The following PTPRM variants were observed in gnomAD, a reference collection of about 807,000 sequenced individuals.
PTPRM encodes the protein receptor-type tyrosine-protein phosphatase mu.
In PTPRM, 47 loss-of-function variants were observed where a neutral mutation model predicts 186.7. That is an observed-to-expected ratio of 0.25 (90% confidence interval 0.20 to 0.32). The LOEUF is 0.32. Among genes scored for constraint, PTPRM ranks in the 10% least tolerant of loss-of-function variants. The pLI is 1.00. For missense variants in PTPRM, 1,494 were observed against 1,865.0 expected (o/e 0.80, Z 3.66); for synonymous variants, 668 against 674.9 (o/e 0.99, Z 0.16).
intron 11 of PTPRM, among the ~76,000 whole-genome samples, chr18:8,092,370 C>T (rs1299580533): frequency 1.3e-5 from 2 of 151,820 alleles, no homozygotes; most frequent in East Asian, 1.9e-4. Flanking sequence ...AAAGTTTTTT[C>T]ATTAATAAGA....
At chr18:8,041,351 C>A (rs1295906199) in intron 7 of PTPRM, among the ~76,000 whole-genome samples, 2 of 151,924 alleles carry the variant, frequency 1.3e-5, no homozygotes, top group African/African-American at 4.8e-5. Context: ...CTTTCAGCTC[C>A]TTGGTGGTAT....
chr18:7,875,589 G>A (rs1012996210), intron 2 of PTPRM, among the ~76,000 whole-genome samples: 1 of 152,160 alleles, frequency 6.6e-6, no homozygotes, highest in African/African-American at 2.4e-5. Flanking sequence ...TTCCCAAAGT[G>A]CTGGGATTAC....
chr18:8,277,779 A>G (rs1416340167), intron 19 of PTPRM, among the ~76,000 whole-genome samples: 2 of 152,208 alleles, frequency 1.3e-5, no homozygotes, highest in Non-Finnish European at 2.9e-5. Flanking sequence ...AAGGTATTCC[A>G]TTGGTTATCA....
intron 1 of PTPRM, among the ~76,000 whole-genome samples, chr18:7,654,937 C>CT (rs879482681): frequency 1.3e-5 from 2 of 152,116 alleles, no homozygotes; most frequent in Non-Finnish European, 2.9e-5. Context: ...TATTCAGGCT[C>CT]TTTTTTTGTT....
At chr18:8,288,226 T>C (rs1016450653) in intron 19 of PTPRM, among the ~76,000 whole-genome samples, 2 of 152,184 alleles carry the variant, frequency 1.3e-5, no homozygotes, top group Non-Finnish European at 1.5e-5. Context: ...TGATGAAATA[T>C]TCTTGTGATG....
At chr18:8,015,593 A>G (rs2084810038) in intron 7 of PTPRM, among the ~76,000 whole-genome samples, 1 of 152,206 alleles carries the variant, frequency 6.6e-6, no homozygotes, top group South Asian at 2.1e-4. Context: ...GATAGGGCTT[A>G]CTATACTTAG....
intron 14 of PTPRM, among the ~76,000 whole-genome samples, chr18:8,234,318 T>TA (rs2147184309): frequency 1.3e-5 from 2 of 152,328 alleles, no homozygotes; most frequent in South Asian, 4.1e-4. Flanking sequence ...GATTTATGCC[T>TA]AATTATTTCA....
intron 1 of PTPRM, among the ~76,000 whole-genome samples, chr18:7,678,513 G>C (rs373651877): frequency 9.9e-5 from 15 of 152,124 alleles, no homozygotes; most frequent in African/African-American, 3.6e-4. Context: ...CTGAGGGAAC[G>C]GGAGGCCGGC....
At chr18:7,714,922 G>A (rs1019472168) in intron 1 of PTPRM, among the ~76,000 whole-genome samples, 3 of 152,092 alleles carry the variant, frequency 2.0e-5, no homozygotes, top group East Asian at 1.9e-4. Flanking sequence ...ACTCACAGCC[G>A]AATTCTACGA....
intron 6 of PTPRM, among the ~76,000 whole-genome samples, chr18:7,951,653 C>G (rs1471318381): frequency 2.6e-5 from 4 of 152,096 alleles, no homozygotes; most frequent in Non-Finnish European, 5.9e-5. Context: ...CAGCTCATGA[C>G]AATTTGCATG....
intron 2 of PTPRM, among the ~76,000 whole-genome samples, chr18:7,819,714 A>G (rs1394934181): frequency 6.6e-6 from 1 of 152,176 alleles, no homozygotes; most frequent in Non-Finnish European, 1.5e-5. Context: ...CTGCCTATGG[A>G]CAGGGGCTTC....
intron 5 of PTPRM, among the ~76,000 whole-genome samples, chr18:7,937,530 G>T (rs955782434): frequency 6.6e-6 from 1 of 152,206 alleles, no homozygotes; most frequent in South Asian, 2.1e-4. Context: ...AATCCAGGCC[G>T]GTAGTGTCAG....
chr18:8,290,514 G>C (rs561674983), intron 19 of PTPRM, among the ~76,000 whole-genome samples: 1 of 152,204 alleles, frequency 6.6e-6, no homozygotes, highest in South Asian at 2.1e-4. Context: ...TGTGGAAAAT[G>C]GTGGCGGTAT....
rs568167367 is a variant in PTPRM, at chr18:7,994,651, A to C, written c.1132+39237A>C. ...ATTTTATCAGAACACAATGGAATAA[A>C]CTACAAATCAGTAGCAAGAGAAATG... is the stretch of plus-strand genomic sequence containing the variant. On this transcript the variant is annotated intron_variant, in intron 7 of 32. Transcript: ENST00000580170. 2.0e-5 allele frequency among the ~76,000 whole-genome samples: 3 copies of C among 152,320 alleles called. No individual in the cohort carries two copies. The East Asian group carries it at 5.8e-4, about 29-fold the overall frequency.
At chr18:7,641,562 TG>T (rs2038444291) in intron 1 of PTPRM, among the ~76,000 whole-genome samples, 1 of 152,222 alleles carries the variant, frequency 6.6e-6, no homozygotes, top group Admixed American at 6.5e-5. Context: ...ACTAGAGCGG[TG>T]GCATGAATCC....
intron 23 of PTPRM, among the ~76,000 whole-genome samples, chr18:8,360,067 A>G (rs80044914): frequency 0.013 from 2,035 of 152,354 alleles, 44 homozygotes; most frequent in African/African-American, 0.046. Context: ...CCAGGAGGAT[A>G]GGACCAAAGA....
intron 22 of PTPRM, among the ~76,000 whole-genome samples, chr18:8,341,119 G>A (rs1276471015): frequency 6.6e-6 from 1 of 152,114 alleles, no homozygotes; most frequent in East Asian, 1.9e-4. Flanking sequence ...AGAAATCCTT[G>A]CAGAAGATGT....
chr18:8,400,919 T>G (rs1208068442), intron 32 of PTPRM, among the ~76,000 whole-genome samples: 3 of 152,040 alleles, frequency 2.0e-5, no homozygotes, highest in Non-Finnish European at 4.4e-5. Flanking sequence ...AGGAGTTGGG[T>G]GGGAATCAGA....
rs79711162 is a variant in PTPRM at position 7,785,719 on chromosome 18, G to A, written c.196+11448G>A. On this transcript the variant is annotated intron_variant, in intron 2 of 32. Coordinates refer to ENST00000580170, the MANE Select transcript of PTPRM (RefSeq NM_001105244.2). Reference sequence around the variant, plus strand: ...ACAAAACCCAGGTTGAGCCACGTCTGCACTTTCTGAGCATATCGTGATGAT... The same window carrying A: ...ACAAAACCCAGGTTGAGCCACGTCTACACTTTCTGAGCATATCGTGATGAT... 5.3e-3 allele frequency among the ~76,000 whole-genome samples: 804 copies of A among 152,294 alleles called. 9 individuals carry two copies. The highest frequency in any genetic ancestry group is 0.018 in the African/African-American group (756 of 41,558).
Sources: gnomAD v4.1 joint callset for allele counts (sites outside exome capture counted in the v4.1 genomes callset) on GRCh38, gnomAD v4.1.1 for gene constraint, MANE v1.5 for transcripts, NCBI Gene and HGNC (gene_info 2026-07-23, HGNC 2026-07-21) for gene names.